TRPS1: variants seen among roughly 807,000 people sequenced by gnomAD.
TRPS1 encodes the protein transcriptional repressor GATA binding 1, also known as zinc finger transcription factor Trps1.
Under a neutral mutation model 101.2 loss-of-function variants are expected in TRPS1, and 6 were observed. The ratio of observed to expected loss-of-function variants is 0.06; its 90% CI spans 0.03 to 0.12. TRPS1 has a LOEUF of 0.12. Among genes scored for constraint, TRPS1 ranks in the 10% least tolerant of loss-of-function variants. The pLI is 1.00. For synonymous variants in TRPS1, 578 were observed against 589.8 expected (o/e 0.98, Z 0.29); for missense variants, 1,363 against 1,567.0 (o/e 0.87, Z 2.20).
chr8:115,634,533 G>C (rs778349130), intron 1 of TRPS1, among the ~76,000 whole-genome samples: 1 of 152,092 alleles, frequency 6.6e-6, no homozygotes, highest in East Asian at 1.9e-4. Flanking sequence ...AGTTTTACCT[G>C]ATTATTTCAA....
chr8:115,571,945 T>C (rs1193317517), intron 5 of TRPS1, among the ~76,000 whole-genome samples: 1 of 152,020 alleles, frequency 6.6e-6, no homozygotes, highest in East Asian at 1.9e-4. Flanking sequence ...GCTATTTACA[T>C]ATATACACAC....
intron 2 of TRPS1, among the ~76,000 whole-genome samples, chr8:115,621,882 C>T (rs1050521570): frequency 1.3e-5 from 2 of 151,556 alleles, no homozygotes; most frequent in Non-Finnish European, 1.5e-5. Flanking sequence ...TGCCATTGCA[C>T]TCCAGCCTGG....
At chr8:115,504,346 A>G (rs1180868837) in intron 5 of TRPS1, among the ~76,000 whole-genome samples, 2 of 152,178 alleles carry the variant, frequency 1.3e-5, no homozygotes, top group African/African-American at 2.4e-5. Flanking sequence ...TGCAAATTCT[A>G]TATTTGCAAA....
chr8:115,503,314 T>C (rs2130155513), intron 5 of TRPS1, among the ~76,000 whole-genome samples: 1 of 149,298 alleles, frequency 6.7e-6, no homozygotes, highest in Middle Eastern at 3.5e-3. Flanking sequence ...TGTACGCGAA[T>C]TACCATAAAA....
chr8:115,637,595 A>G (rs1818799430), intron 1 of TRPS1, among the ~76,000 whole-genome samples: 1 of 152,184 alleles, frequency 6.6e-6, no homozygotes, highest in African/African-American at 2.4e-5. Context: ...ATATAGCTAT[A>G]TTGGAGTTAT....
At chr8:115,649,388 C>T (rs1811508643) in intron 1 of TRPS1, among the ~76,000 whole-genome samples, 1 of 152,192 alleles carries the variant, frequency 6.6e-6, no homozygotes, top group Non-Finnish European at 1.5e-5. Flanking sequence ...GGCCAGGCTG[C>T]CTGGACTGAA....
chr8:115,502,891 G>A (rs1405142529), intron 5 of TRPS1, among the ~76,000 whole-genome samples: 1 of 152,108 alleles, frequency 6.6e-6, no homozygotes, highest in African/African-American at 2.4e-5. Context: ...CCCAGAAAGA[G>A]TCAAACTTTC....
rs1176811358 is a variant in TRPS1 at position 115,668,804 on chromosome 8, G to C, written c.-381C>G. The C allele has an allele frequency of 7.6e-6, 1 of 132,422 alleles. No homozygotes were observed. Among genetic ancestry groups the C allele is most frequent in the Non-Finnish European group, 1.5e-5 (1 of 66,254 alleles). The allele number at this position is 132,422 out of a possible 1,614,324, so 8.2% of individuals were successfully genotyped here. On this transcript the variant is annotated 5_prime_UTR_variant, in exon 1 of 7. Coordinates refer to ENST00000395715, the MANE Select transcript of TRPS1 (RefSeq NM_014112.5). The stretch of plus-strand genomic sequence containing the variant: ...CGGGTGGGAGAGGGGAGGGGGTGTT[G>C]TTTTTTGTTTAAAAAAAAAAAAAAG...
chr8:115,623,484 G>C, intron 2 of TRPS1, 117 bp downstream of exon 2: 2 of 1,224,906 alleles, frequency 1.6e-6, no homozygotes, highest in African/African-American at 3.0e-5. Flanking sequence ...GATACCATAA[G>C]ACTATAGCCA....
At chr8:115,569,145 A>G (rs1817141303) in intron 5 of TRPS1, among the ~76,000 whole-genome samples, 1 of 152,148 alleles carries the variant, frequency 6.6e-6, no homozygotes, top group Non-Finnish European at 1.5e-5. Context: ...AGATTACAGA[A>G]AAAGACTTTC....
At chr8:115,663,734 A>C (rs1038606247) in intron 1 of TRPS1, among the ~76,000 whole-genome samples, 11 of 151,372 alleles carry the variant, frequency 7.3e-5, no homozygotes, top group African/African-American at 1.9e-4. Context: ...AAAAAAAAAA[A>C]AAAAAAAAAC....
At chr8:115,630,840 C>T (rs1731092489) in intron 1 of TRPS1, among the ~76,000 whole-genome samples, 1 of 151,990 alleles carries the variant, frequency 6.6e-6, no homozygotes, top group Admixed American at 6.6e-5. Context: ...ATCTAAAGAC[C>T]ACTTGGTTTC....
intron 5 of TRPS1, among the ~76,000 whole-genome samples, chr8:115,521,071 A>T (rs1815849281): frequency 6.6e-6 from 1 of 151,866 alleles, no homozygotes; most frequent in Admixed American, 6.6e-5. Context: ...TCAATTTCAA[A>T]CAATAGAAGT....
intron 4 of TRPS1, among the ~76,000 whole-genome samples, chr8:115,598,187 A>G (rs1288610411): frequency 1.3e-5 from 2 of 151,698 alleles, no homozygotes; most frequent in Non-Finnish European, 2.9e-5. Context: ...GAAGTTATGC[A>G]TTCATTTCCT....
intron 5 of TRPS1, among the ~76,000 whole-genome samples, chr8:115,553,860 T>C (rs1816756873): frequency 6.6e-6 from 1 of 152,142 alleles, no homozygotes; most frequent in Non-Finnish European, 1.5e-5. Context: ...GATCTGATTA[T>C]AAATAGAGAA....
chr8:115,603,803 C>A, intron 4 of TRPS1, 70 bp downstream of exon 4: 1 of 1,564,440 alleles, frequency 6.4e-7, no homozygotes, highest in Non-Finnish European at 8.7e-7. Flanking sequence ...CCCGGTTCAG[C>A]CCTCTTTCTA....
chr8:115,462,632 TCTCTC>T (rs1467985857), intron 5 of TRPS1, among the ~76,000 whole-genome samples: 37 of 91,142 alleles, frequency 4.1e-4, no homozygotes, highest in South Asian at 8.5e-4. Flanking sequence ...TTTCTCTCTC[TCTCTC>T]TCTCTTTTTT....
At chr8:115,437,229 C>T (rs1325821298) in intron 5 of TRPS1, among the ~76,000 whole-genome samples, 2 of 152,230 alleles carry the variant, frequency 1.3e-5, no homozygotes, top group African/African-American at 4.8e-5. Context: ...GGTCACTATA[C>T]TGCTGAAGAG....
intron 5 of TRPS1, among the ~76,000 whole-genome samples, chr8:115,474,427 T>C (rs1300403223): frequency 6.6e-6 from 1 of 152,082 alleles, no homozygotes; most frequent in Non-Finnish European, 1.5e-5. Context: ...AATGGAAAAC[T>C]TTCTAGAGAA....
Sources: allele counts gnomAD v4.1 joint callset (sites outside exome capture counted in the v4.1 genomes callset), GRCh38; gene constraint gnomAD v4.1.1; transcripts MANE v1.5; gene names NCBI Gene and HGNC (gene_info 2026-07-23, HGNC 2026-07-21).